ALK: variants seen among roughly 807,000 people sequenced by gnomAD.
ALK encodes ALK tyrosine kinase receptor.
In ALK, 74 loss-of-function variants were observed where a neutral mutation model predicts 163.1. That is an observed-to-expected ratio of 0.45 (90% CI 0.38 to 0.55). The LOEUF (loss-of-function observed/expected upper bound fraction) is 0.55. ALK is among the 20% of genes least tolerant of loss of function. ALK has a pLI of 0.00. For missense variants in ALK, 2,063 were observed against 2,105.3 expected (o/e 0.98, Z 0.39); for synonymous variants, 960 against 843.2 (o/e 1.14, Z -2.40).
At chr2:29,772,860 C>T (rs1395386662) in intron 1 of ALK, among the ~76,000 whole-genome samples, 3 of 152,128 alleles carry the variant, frequency 2.0e-5, no homozygotes, top group Non-Finnish European at 4.4e-5. Context: ...ATTTTCCTAC[C>T]TGGTCTCATG....
chr2:29,467,896 A>G (rs1327994160), intron 4 of ALK, among the ~76,000 whole-genome samples: 2 of 152,194 alleles, frequency 1.3e-5, no homozygotes, highest in Non-Finnish European at 2.9e-5. Flanking sequence ...TATTTACACC[A>G]ATATTGTTAT....
At chr2:29,491,801 A>G (rs915546893) in intron 4 of ALK, among the ~76,000 whole-genome samples, 2 of 152,142 alleles carry the variant, frequency 1.3e-5, no homozygotes, top group Admixed American at 6.6e-5. Context: ...GAGTGCTGAG[A>G]ACCCAGGCTC....
intron 1 of ALK, among the ~76,000 whole-genome samples, chr2:29,764,016 A>G (rs1357266938): frequency 2.4e-4 from 36 of 152,158 alleles, no homozygotes; most frequent in Admixed American, 2.4e-3. Flanking sequence ...TCCAAGACAC[A>G]GGCAAGAGGA....
intron 2 of ALK, among the ~76,000 whole-genome samples, chr2:29,714,188 C>T (rs1260740353): frequency 1.3e-5 from 2 of 152,114 alleles, no homozygotes; most frequent in Non-Finnish European, 2.9e-5. Context: ...TTTCTTTAGA[C>T]GTCCTCCCTC....
intron 23 of ALK, among the ~76,000 whole-genome samples, chr2:29,216,933 GGGTGTGTGTGT>G (rs878880240): frequency 0.26 from 36,619 of 140,816 alleles, 6,156 homozygotes; most frequent in East Asian, 0.73. Context: ...GGTGTGTGGG[GGGTGTGTGTGT>G]GGCATGTGAT....
intron 2 of ALK, among the ~76,000 whole-genome samples, chr2:29,698,646 T>C (rs1459288218): frequency 6.6e-6 from 1 of 152,178 alleles, no homozygotes; most frequent in African/African-American, 2.4e-5. Flanking sequence ...CAGTGCAATA[T>C]ACAATCCCAG....
At chr2:29,699,826 G>A (rs1030726242) in intron 2 of ALK, among the ~76,000 whole-genome samples, 5 of 152,172 alleles carry the variant, frequency 3.3e-5, no homozygotes, top group South Asian at 2.1e-4. Flanking sequence ...TTTCCATCAT[G>A]GAAGAAAGGT....
rs1216631957 is a variant in ALK at position 29,193,526 on chromosome 2, G to A, written c.4561C>T (p.Pro1521Ser). The change falls in exon 29 of 29, where the codon CCT becomes TCT. Residue 1521 changes from proline (P) to serine (S), a missense_variant. Around this residue, in one of 5 missense-constraint regions of ALK, gnomAD observed 403 missense variants for 366.2 expected, o/e 1.10. Coordinates refer to ENST00000389048, the MANE Select transcript of ALK (RefSeq NM_004304.5). ...FTEKPTKKNN[P>S]IAKKEPHDRG... Reference sequence around the variant, plus strand: ...TCGTGTGGCTCCTTCTTTGCTATAGGATTATTCTTTTTGGTGGGTTTCTCT... The same window carrying A: ...TCGTGTGGCTCCTTCTTTGCTATAGAATTATTCTTTTTGGTGGGTTTCTCT... 6.2e-7 allele frequency: 1 copy of A among 1,614,060 alleles called. No individual in the cohort carries two copies. Among genetic ancestry groups the A allele is most frequent in the Admixed American group, 1.7e-5 (1 of 59,998 alleles).
intron 1 of ALK, among the ~76,000 whole-genome samples, chr2:29,729,266 T>C (rs1327117522): frequency 6.6e-6 from 1 of 151,992 alleles, no homozygotes; most frequent in African/African-American, 2.4e-5. Flanking sequence ...GCCAGCAAGG[T>C]CAGAGCCTCT....
At chr2:29,705,691 C>T (rs1326562490) in intron 2 of ALK, among the ~76,000 whole-genome samples, 1 of 152,090 alleles carries the variant, frequency 6.6e-6, no homozygotes, top group African/African-American at 2.4e-5. Flanking sequence ...TCCCTTTGTG[C>T]CTCAATTTTT....
intron 9 of ALK, chr2:29,286,817 G>C (rs1665868808): frequency 6.6e-6 from 1 of 152,080 alleles, no homozygotes; most frequent in South Asian, 2.1e-4. Flanking sequence ...GAAGAAGCGT[G>C]ATCAATGCTC....
intron 1 of ALK, among the ~76,000 whole-genome samples, chr2:29,740,604 C>T (rs914192089): frequency 6.6e-6 from 1 of 152,122 alleles, no homozygotes; most frequent in Non-Finnish European, 1.5e-5. Flanking sequence ...TATTAGGTGG[C>T]AAGTAAAACA....
chr2:29,483,976 G>A (rs949926240), intron 4 of ALK, among the ~76,000 whole-genome samples: 1 of 152,198 alleles, frequency 6.6e-6, no homozygotes, highest in Non-Finnish European at 1.5e-5. Context: ...CGAAGGAGGA[G>A]CAAAGGCATG....
chr2:29,422,962 T>G (rs990622619), intron 4 of ALK, among the ~76,000 whole-genome samples: 3 of 151,536 alleles, frequency 2.0e-5, no homozygotes, highest in Non-Finnish European at 2.9e-5. Context: ...GCCTAAGAGA[T>G]CTTACCTGGA....
chr2:29,507,613 A>T (rs1672370506), intron 4 of ALK, among the ~76,000 whole-genome samples: 1 of 152,246 alleles, frequency 6.6e-6, no homozygotes, highest in Non-Finnish European at 1.5e-5. Context: ...GGCCCAAATC[A>T]GGAGGAGCAG....
rs765139446 is a variant in ALK, at chr2:29,383,795, T to G, written c.1219A>C (p.Ile407Leu). 5.6e-6 allele frequency: 9 copies of G among 1,614,042 alleles called. No individual in the cohort carries two copies. The East Asian group carries it at 1.6e-4, about 28-fold the overall frequency. ...GACAAGCTGCGGTTTCCACTGGAGA[T>G]GTATTCCAGGGCCACTCGAAATGGG... ...DNPFRVALEY[I>L]SSGNRSLSAV... Residue 407 changes from isoleucine (I) to leucine (L), a missense_variant, in exon 5 of 29, where the codon ATC becomes CTC. This residue lies in a region of ALK where 987 missense variants were observed against 939.5 expected (regional missense o/e 1.05). Transcript: ENST00000389048.
At chr2:29,673,385 T>C (rs986692709) in intron 3 of ALK, among the ~76,000 whole-genome samples, 5 of 138,914 alleles carry the variant, frequency 3.6e-5, no homozygotes, top group African/African-American at 1.4e-4. Flanking sequence ...CAGTTTCAGC[T>C]TTCTACATAT....
intron 3 of ALK, among the ~76,000 whole-genome samples, chr2:29,671,267 G>C (rs1049758612): frequency 1.3e-5 from 2 of 152,066 alleles, no homozygotes; most frequent in Admixed American, 6.6e-5. Context: ...GTTCCAAATG[G>C]GGGAGGTCTC....
chr2:29,365,068 G>A (rs922314439), intron 5 of ALK, among the ~76,000 whole-genome samples: 26 of 152,180 alleles, frequency 1.7e-4, no homozygotes, highest in African/African-American at 3.4e-4. Flanking sequence ...TGAGTTCGGT[G>A]GATGCTGTTT....
Sources: gnomAD v4.1 joint callset for allele counts (sites outside exome capture counted in the v4.1 genomes callset) on GRCh38, gnomAD v4.1.1 for gene constraint, gnomAD v4.1.1 regional missense constraint, MANE v1.5 for transcripts, NCBI Gene and HGNC (gene_info 2026-07-23, HGNC 2026-07-21) for gene names.